Variants in C10orf105 observed in about 807,000 individuals in gnomAD.
C10orf105 encodes the protein uncharacterized protein C10orf105.
C10orf105 carries 2 observed loss-of-function variants against 0.6 expected under a neutral mutation model. The ratio of observed to expected loss-of-function variants is 3.18; its 90% CI spans 1.30 to 10.01. C10orf105 has a LOEUF of 10.01. Among genes scored for constraint, C10orf105 ranks in the 30% most tolerant of loss-of-function variants. C10orf105 has a pLI of 0.04. For missense variants in C10orf105, 209 were observed against 191.4 expected, an observed-to-expected ratio of 1.09 and a Z score of -0.54; for synonymous variants, 95 against 82.4, an observed-to-expected ratio of 1.15 and a Z score of -0.83.
At chr10:71,723,813 G>T (rs1488179132), upstream of C10orf105, among the ~76,000 whole-genome samples, 3 of 152,168 alleles carry the variant, frequency 2.0e-5, no homozygotes, top group Non-Finnish European at 2.9e-5. Flanking sequence ...GAGGATCGGG[G>T]CAGAGCTGGT....
chr10:71,729,896 G>A (rs1428363674), intron 1 of C10orf105, among the ~76,000 whole-genome samples: 2 of 151,474 alleles, frequency 1.3e-5, no homozygotes, highest in South Asian at 2.1e-4. Flanking sequence ...GTGCAGTGGC[G>A]CGATCTTGGT....
intron 1 of C10orf105, chr10:71,730,751 T>C: frequency 1.7e-6 from 2 of 1,196,650 alleles, no homozygotes; most frequent in Non-Finnish European, 2.3e-6. Context: ...GCTGGGATGG[T>C]CTTGATCACT....
In C10orf105 at chr10:71,713,528, G is replaced by C. The variant is rs1866078226; in HGVS notation, c.*2408C>G. The C allele has an allele frequency of 1.9e-6, 1 of 518,436 alleles. No individual in the cohort carries two copies. The highest frequency in any genetic ancestry group is 1.9e-5 in the African/African-American group (1 of 51,892). The allele number at this position is 518,436 out of a possible 1,614,324, so 32.1% of individuals were successfully genotyped here. ...GGAGGCTGGCAATGCTCCCCTCCCTGCATCGGGACCAGGAGGCGGGCAGGA... is the reference window on the plus strand; with the variant it reads ...GGAGGCTGGCAATGCTCCCCTCCCTCCATCGGGACCAGGAGGCGGGCAGGA... On this transcript the variant is annotated 3_prime_UTR_variant, in exon 2 of 2. Coordinates refer to ENST00000441508, the MANE Select transcript of C10orf105 (RefSeq NM_001164375.3).
upstream of C10orf105, among the ~76,000 whole-genome samples, chr10:71,720,483 C>CCAGAG (rs1028220940): frequency 4.0e-5 from 6 of 151,764 alleles, no homozygotes; most frequent in African/African-American, 1.2e-4. Flanking sequence ...TCCCCAGAAG[C>CCAGAG]CAGAGCTTCC....
intron 1 of C10orf105, chr10:71,734,489 T>C: frequency 6.5e-7 from 1 of 1,545,796 alleles, no homozygotes; most frequent in Non-Finnish European, 8.8e-7. Context: ...TGTCCAGCCA[T>C]GCCACACCTT....
At chr10:71,734,513 G>A in intron 1 of C10orf105, 2 of 1,590,740 alleles carry the variant, frequency 1.3e-6, no homozygotes, top group Middle Eastern at 1.7e-4. Flanking sequence ...AGCAGGTTGG[G>A]CTAGGATGAG....
chr10:71,728,978 G>A (rs369027302), intron 1 of C10orf105, among the ~76,000 whole-genome samples: 1 of 151,962 alleles, frequency 6.6e-6, no homozygotes, highest in Non-Finnish European at 1.5e-5. Flanking sequence ...CTACAGGTGC[G>A]TGCTATCACC....
chr10:71,736,115 TCCTC>T (rs1274613625), intron 1 of C10orf105, among the ~76,000 whole-genome samples: 1 of 152,228 alleles, frequency 6.6e-6, no homozygotes, highest in Non-Finnish European at 1.5e-5. Flanking sequence ...GCCAGCCACT[TCCTC>T]AGCACGGCTG....
At chr10:71,721,192 C>G (rs533162142), upstream of C10orf105, among the ~76,000 whole-genome samples, 2 of 152,228 alleles carry the variant, frequency 1.3e-5, no homozygotes, top group African/African-American at 4.8e-5. Flanking sequence ...CAACGTGGCT[C>G]TCTTCACCAT....
upstream of C10orf105, among the ~76,000 whole-genome samples, chr10:71,721,791 T>C (rs1375182438): frequency 6.6e-6 from 1 of 152,220 alleles, no homozygotes; most frequent in African/African-American, 2.4e-5. Flanking sequence ...GTGCTGCTGA[T>C]TGAGGCTGTC....
At chr10:71,728,052 T>C (rs1363234912) in intron 1 of C10orf105, among the ~76,000 whole-genome samples, 1 of 152,186 alleles carries the variant, frequency 6.6e-6, no homozygotes, top group African/African-American at 2.4e-5. Context: ...AGCCTGGCCC[T>C]GTTTTTTCCC....
At chr10:71,718,431 T>G (rs1380279540) in intron 1 of C10orf105, among the ~76,000 whole-genome samples, 1 of 145,746 alleles carries the variant, frequency 6.9e-6, no homozygotes, top group East Asian at 2.1e-4. Context: ...GGCTGGAAAG[T>G]GTGATGCCCG....
chr10:71,718,793 G>C (rs760906088), intron 1 of C10orf105, among the ~76,000 whole-genome samples: 1 of 152,176 alleles, frequency 6.6e-6, no homozygotes, highest in Non-Finnish European at 1.5e-5. Context: ...GAGGCCAGGC[G>C]TGTTGGCTCT....
upstream of C10orf105, among the ~76,000 whole-genome samples, chr10:71,721,032 C>T (rs919578567): frequency 6.6e-6 from 1 of 152,238 alleles, no homozygotes; most frequent in Admixed American, 6.5e-5. Flanking sequence ...CCTTAACTTC[C>T]TCTCCTGAAA....
intron 1 of C10orf105, among the ~76,000 whole-genome samples, chr10:71,729,214 C>T (rs572389790): frequency 2.6e-5 from 4 of 152,278 alleles, no homozygotes; most frequent in Non-Finnish European, 4.4e-5. Flanking sequence ...TGCTGGTAAG[C>T]GGTGAGGAAA....
upstream of C10orf105, among the ~76,000 whole-genome samples, chr10:71,723,200 A>G (rs929862007): frequency 8.5e-5 from 13 of 152,232 alleles, no homozygotes; most frequent in African/African-American, 3.1e-4. Flanking sequence ...ACAGCATGTC[A>G]TAGGAGGGTC....
upstream of C10orf105, among the ~76,000 whole-genome samples, chr10:71,723,638 G>C (rs1045733948): frequency 7.9e-5 from 12 of 152,198 alleles, no homozygotes; most frequent in Non-Finnish European, 1.3e-4. Flanking sequence ...GGAAATGCGG[G>C]CAAGAAGTAG....
At position 71,716,063 on chromosome 10, in the gene C10orf105, C is replaced by T. The variant is rs1249520250; in HGVS notation, c.275G>A (p.Arg92His). The T allele has an allele frequency of 5.2e-5, 79 of 1,513,094 alleles. 1 individual carries two copies. The East Asian group carries it at 1.0e-3, about 19-fold the overall frequency. The allele number at this position is 1,513,094 out of a possible 1,614,324, so 93.7% of individuals were successfully genotyped here. A position where few individuals can be genotyped will look rare whatever the true frequency, so the allele number is the denominator to read the frequency against. ...PSEPQLRLWK[R>H]LGSLRLSLHS... ...CAGGGAGAGGCGCAAGGAGCCCAGG[C>T]GCTTCCAGAGCCGGAGCTGGGGCTC... Residue 92 changes from arginine to histidine, a missense_variant, in exon 2 of 2, where the codon CGC (arginine) becomes CAC (histidine). Arg to His is a conservative substitution (Grantham distance 29). Transcript: ENST00000441508.
chr10:71,728,500 C>T (rs577354458), intron 1 of C10orf105, among the ~76,000 whole-genome samples: 15 of 152,318 alleles, frequency 9.8e-5, no homozygotes, highest in Admixed American at 5.9e-4. Context: ...TGTCACTTCT[C>T]TCCAGCTGAT....
Sources: gnomAD v4.1 joint callset for allele counts (sites outside exome capture counted in the v4.1 genomes callset) on GRCh38, gnomAD v4.1.1 for gene constraint, MANE v1.5 for transcripts, NCBI Gene and HGNC (gene_info 2026-07-23, HGNC 2026-07-21) for gene names.